Variants in ZNF106 observed in about 807,000 individuals in gnomAD.
The protein encoded by ZNF106 is SH3-domain binding protein 3.
Under a neutral mutation model 195.1 loss-of-function variants are expected in ZNF106, and 67 were observed. The ratio of observed to expected loss-of-function variants is 0.34; its 90% CI spans 0.28 to 0.42. The LOEUF (loss-of-function observed/expected upper bound fraction) is 0.42. Ranked by LOEUF, ZNF106 falls within the 10% of genes least tolerant of loss-of-function variation. The pLI, the probability that ZNF106 is intolerant of heterozygous loss-of-function variation, is 1.00. For synonymous variants in ZNF106, 784 were observed against 818.6 expected, an observed-to-expected ratio of 0.96 and a Z score of 0.72; for missense variants, 2,118 against 2,304.5, an observed-to-expected ratio of 0.92 and a Z score of 1.66.
At chr15:42,481,084 T>A (rs1318533150) in intron 1 of ZNF106, among the ~76,000 whole-genome samples, 1 of 152,146 alleles carries the variant, frequency 6.6e-6, no homozygotes, top group Non-Finnish European at 1.5e-5. Context: ...TGGGATATGT[T>A]TTATATCTAC....
In ZNF106 at chr15:42,442,088, A is replaced by G. The variant is rs145732011; in HGVS notation, c.3748T>C (p.Leu1250=). ...PSSACNVSKE[L]LEANREISDS... ...GCTTACATACTATTAGCTTCCAGTA[A>G]TTCCTTGGACACATTGCAGGCAGAG... The change falls in exon 10 of 22, where the codon TTA becomes CTA. Residue 1250 remains leucine (L), a synonymous_variant. Coordinates refer to ENST00000564754, the MANE Select transcript of ZNF106 (RefSeq NM_001366845.3). The G allele has an allele frequency of 3.0e-5, 48 of 1,609,628 alleles. No individual in the cohort carries two copies. In the African/African-American group the frequency reaches 6.0e-4, roughly 20 times the overall value.
chr15:42,452,259 A>C (rs2056058855), intron 4 of ZNF106, among the ~76,000 whole-genome samples: 2 of 152,144 alleles, frequency 1.3e-5, no homozygotes, highest in Admixed American at 1.3e-4. Flanking sequence ...GTGGTGGCTC[A>C]CATCTATAAT....
chr15:42,443,200 T>A (rs1346423724), intron 9 of ZNF106, among the ~76,000 whole-genome samples: 1 of 152,116 alleles, frequency 6.6e-6, no homozygotes, highest in Non-Finnish European at 1.5e-5. Flanking sequence ...AAATGACTTA[T>A]CCAAAGTTAT....
At chr15:42,460,321 C>G (rs1161041611) in intron 3 of ZNF106, among the ~76,000 whole-genome samples, 1 of 152,186 alleles carries the variant, frequency 6.6e-6, no homozygotes, top group Non-Finnish European at 1.5e-5. Flanking sequence ...GCAATACTGA[C>G]TTTCCAAAAT....
At chr15:42,431,814 A>G (rs1595443728) in intron 14 of ZNF106, among the ~76,000 whole-genome samples, 1 of 152,128 alleles carries the variant, frequency 6.6e-6, no homozygotes, top group African/African-American at 2.4e-5. Context: ...TGGTTTCGCC[A>G]TGTTGGCTAG....
At chr15:42,435,643 C>G in intron 13 of ZNF106, 125 bp from the exon 14 acceptor site, 2 of 1,138,238 alleles carry the variant, frequency 1.8e-6, no homozygotes, top group Non-Finnish European at 2.5e-6. Flanking sequence ...TAAAACAGCA[C>G]CTGGTACACA....
At chr15:42,424,667 A>G in intron 16 of ZNF106, 167 bp downstream of exon 16, 1 of 627,596 alleles carries the variant, frequency 1.6e-6, no homozygotes, top group Non-Finnish European at 2.7e-6. Context: ...TTTTGTAGAG[A>G]TCGAGTTTTG....
At chr15:42,444,629 C>G (rs1454550032) in intron 8 of ZNF106, among the ~76,000 whole-genome samples, 198 bp downstream of exon 8, 1 of 152,218 alleles carries the variant, frequency 6.6e-6, no homozygotes, top group Non-Finnish European at 1.5e-5. Flanking sequence ...CTAATAAATG[C>G]TTTGGACTCA....
intron 4 of ZNF106, among the ~76,000 whole-genome samples, chr15:42,452,681 CTT>C (rs1322441388): frequency 7.6e-4 from 77 of 101,878 alleles, no homozygotes; most frequent in South Asian, 1.4e-3. Context: ...CTATAGTTAT[CTT>C]TTTTTTTTTT....
chr15:42,489,120 T>C (rs1488366861), intron 1 of ZNF106, among the ~76,000 whole-genome samples: 2 of 142,496 alleles, frequency 1.4e-5, no homozygotes, highest in African/African-American at 2.6e-5. Context: ...ACACACACAA[T>C]AGGTTCTGAA....
chr15:42,465,627 T>G (rs566043322), intron 3 of ZNF106, among the ~76,000 whole-genome samples: 2 of 152,198 alleles, frequency 1.3e-5, no homozygotes, highest in African/African-American at 2.4e-5. Flanking sequence ...TTTATACCAA[T>G]GAGATTCAGT....
At chr15:42,437,829 A>G (rs943423834) in intron 12 of ZNF106, among the ~76,000 whole-genome samples, 2 of 149,400 alleles carry the variant, frequency 1.3e-5, no homozygotes, top group African/African-American at 2.5e-5. Context: ...AATCACTTGA[A>G]CCCAGAGGCA....
In ZNF106 at chr15:42,449,942, G is replaced by A; in HGVS notation, c.2330C>T (p.Ala777Val). 1 of 1,614,118 alleles carries A rather than the reference G, an allele frequency of 6.2e-7. No homozygotes were observed. Among genetic ancestry groups the A allele is most frequent in the Non-Finnish European group, 8.5e-7 (1 of 1,180,016 alleles). ...ACCGCTAATATTGCGAATGCGGCGG[G>A]CACTATTGAGGTTTGGCTCAGGAAG... Reference protein sequence around the residue: ...VHLPEPNLNSARRIRNISGHR... With the variant: ...VHLPEPNLNSVRRIRNISGHR... The change falls in exon 5 of 22, where the codon GCC becomes GTC. Residue 777 changes from alanine to valine, a missense_variant. Transcript: ENST00000564754.
In ZNF106 at chr15:42,413,885, A is replaced by C. The variant is rs1239240127; in HGVS notation, c.*3419T>G. On this transcript the variant is annotated 3_prime_UTR_variant, in exon 22 of 22. Coordinates refer to ENST00000564754, the MANE Select transcript of ZNF106 (RefSeq NM_001366845.3). ...TTGCATGGTGTGGAACTGCTTTATA[A>C]ACTGAGTAGAGACGTATGCCAAAAT... 1 of 152,226 alleles carries C rather than the reference A, an allele frequency of 6.6e-6. No individual in the cohort carries two copies. Among genetic ancestry groups the C allele is most frequent in the African/African-American group, 2.4e-5 (1 of 41,460 alleles). The allele number at this position is 152,226 out of a possible 1,614,324, so 9.4% of individuals were successfully genotyped here.
chr15:42,439,190 AATCAATG>A lies in ZNF106; in HGVS notation c.4380_4386del (p.Ile1461LeufsTer26), dbSNP rs1162799927. The A allele has an allele frequency of 6.2e-7, 1 of 1,614,170 alleles. No homozygotes were observed. Among genetic ancestry groups the A allele is most frequent in the Admixed American group, 1.7e-5 (1 of 60,004 alleles). On this transcript the variant is annotated frameshift_variant, in exon 11 of 22. Coordinates refer to ENST00000564754, the MANE Select transcript of ZNF106 (RefSeq NM_001366845.3). LOFTEE classifies it high-confidence loss of function. The stretch of plus-strand genomic sequence containing the variant: ...GGTTTCTCTTCTCCTGATTCTGAAG[AATCAATG>A]GCTACTACTTCTAACTGAGGATTAG...
intron 5 of ZNF106, 87 bp from the exon 6 acceptor site, chr15:42,448,792 G>A (rs2055870493): frequency 4.9e-5 from 68 of 1,390,398 alleles, no homozygotes; most frequent in Non-Finnish European, 6.2e-5. Context: ...GCTCTCTCAA[G>A]CACTGAGGTT....
intron 4 of ZNF106, among the ~76,000 whole-genome samples, chr15:42,455,606 C>T (rs2056200379): frequency 6.6e-6 from 1 of 152,088 alleles, no homozygotes; most frequent in African/African-American, 2.4e-5. Flanking sequence ...TCCTATGTTG[C>T]CCAGGCTGGT....
chr15:42,450,829 T>C lies in ZNF106; in HGVS notation c.1443A>G (p.Pro481=), dbSNP rs1403745248. The C allele has an allele frequency of 1.9e-6, 3 of 1,614,096 alleles. No individual in the cohort carries two copies. The change falls in exon 5 of 22, where the codon CCA becomes CCG. Residue 481 remains proline, a synonymous_variant. Transcript: ENST00000564754. ...GCTTTTGAGACAATGATTTAGTGGC[T>C]GGACATGGAAGGAGTGGGGATTTCA... ...PSLKSPLLPC[P]ATKSLSQKQD...
chr15:42,418,640 A>C (rs1020142227), intron 20 of ZNF106, among the ~76,000 whole-genome samples: 1 of 150,004 alleles, frequency 6.7e-6, no homozygotes, highest in African/African-American at 2.5e-5. Context: ...TGGCCTCCCA[A>C]AGTGCTGGGA....
Sources: allele counts gnomAD v4.1 joint callset (sites outside exome capture counted in the v4.1 genomes callset), GRCh38; gene constraint gnomAD v4.1.1; transcripts MANE v1.5; gene names NCBI Gene and HGNC (gene_info 2026-07-23, HGNC 2026-07-21).